PITPNC1: variants seen among roughly 807,000 people sequenced by gnomAD.
The protein encoded by PITPNC1 is cytoplasmic phosphatidylinositol transfer protein 1.
Under a neutral mutation model 44.7 loss-of-function variants are expected in PITPNC1, and 18 were observed. That is an observed-to-expected ratio of 0.40 (90% CI 0.28 to 0.60). PITPNC1 has a LOEUF of 0.60. PITPNC1 is among the 20% of genes least tolerant of loss of function. The pLI is 0.39. For missense variants in PITPNC1, 290 were observed against 418.4 expected (o/e 0.69, Z 2.68); for synonymous variants, 141 against 149.6 (o/e 0.94, Z 0.42).
intron 6 of PITPNC1, among the ~76,000 whole-genome samples, chr17:67,636,660 C>T (rs1237036842): frequency 6.6e-6 from 1 of 152,234 alleles, no homozygotes; most frequent in South Asian, 2.1e-4. Flanking sequence ...CCCTCGTAAC[C>T]CCAGCCCCAT....
intron 1 of PITPNC1, among the ~76,000 whole-genome samples, chr17:67,523,952 C>T (rs1413754316): frequency 2.0e-5 from 3 of 152,058 alleles, no homozygotes; most frequent in East Asian, 1.9e-4. Flanking sequence ...CCTGGGATTA[C>T]AGGTGCCTGC....
chr17:67,425,214 C>G (rs1200795327), intron 1 of PITPNC1, among the ~76,000 whole-genome samples: 2 of 50,650 alleles, frequency 3.9e-5, no homozygotes, highest in Non-Finnish European at 7.9e-5. Flanking sequence ...CACACACACA[C>G]ACACACACAC....
intron 1 of PITPNC1, among the ~76,000 whole-genome samples, chr17:67,439,339 A>T (rs1345222100): frequency 6.6e-6 from 1 of 152,174 alleles, no homozygotes; most frequent in African/African-American, 2.4e-5. Flanking sequence ...CCCTCCTAAT[A>T]CCTGTGCATG....
intron 2 of PITPNC1, among the ~76,000 whole-genome samples, chr17:67,549,683 G>A (rs965825874): frequency 2.0e-5 from 3 of 152,136 alleles, no homozygotes; most frequent in Non-Finnish European, 4.4e-5. Context: ...TACGGGGCGA[G>A]GAGGTACTTG....
chr17:67,419,831 G>A lies in PITPNC1; in HGVS notation c.48+41629G>A, dbSNP rs544971573. ...TGAGGCAGAAGAATTGCTTAAACCC[G>A]GGAGGTGGAAGTTGCAGTGAGCCGA... On this transcript the variant is annotated intron_variant, in intron 1 of 8. Coordinates refer to ENST00000581322, the MANE Select transcript of PITPNC1 (RefSeq NM_012417.4). Among the ~76,000 whole-genome samples the A allele has an allele frequency of 3.3e-5, 5 of 151,300 alleles. 1 individual carries two copies. The highest frequency in any genetic ancestry group is 3.9e-4 in the East Asian group (2 of 5,156).
chr17:67,379,037 G>C, intron 1 of PITPNC1: 1 of 985,726 alleles, frequency 1.0e-6, no homozygotes, highest in Non-Finnish European at 1.2e-6. Flanking sequence ...TCAGGAAGTG[G>C]TGACTCAGAT....
At chr17:67,512,504 A>ACAAACAAACAAAC (rs1190196931) in intron 1 of PITPNC1, among the ~76,000 whole-genome samples, 3 of 140,142 alleles carry the variant, frequency 2.1e-5, no homozygotes, top group Non-Finnish European at 4.9e-5. Flanking sequence ...GTGTCTCAAA[A>ACAAACAAACAAAC]AAAAAAAAAA....
At chr17:67,474,401 C>T (rs1264545307) in intron 1 of PITPNC1, among the ~76,000 whole-genome samples, 1 of 152,214 alleles carries the variant, frequency 6.6e-6, no homozygotes, top group Non-Finnish European at 1.5e-5. Context: ...AGTAACGTTT[C>T]TCAACCTCAG....
intron 1 of PITPNC1, among the ~76,000 whole-genome samples, chr17:67,432,586 C>T (rs1481006918): frequency 3.3e-5 from 5 of 151,950 alleles, no homozygotes; most frequent in East Asian, 3.9e-4. Context: ...AATAAAGGTC[C>T]GTGTATAATT....
intron 6 of PITPNC1, among the ~76,000 whole-genome samples, chr17:67,663,725 G>A: frequency 6.6e-6 from 1 of 152,116 alleles, no homozygotes; most frequent in East Asian, 1.9e-4. Context: ...GCAAATTAAG[G>A]GGTGGTTTAT....
chr17:67,680,964 G>A (rs987686222), intron 8 of PITPNC1, among the ~76,000 whole-genome samples: 11 of 152,206 alleles, frequency 7.2e-5, no homozygotes, highest in Non-Finnish European at 1.5e-4. Flanking sequence ...GGAAATGTTT[G>A]TAGAGGGAAA....
chr17:67,685,316 C>T lies in PITPNC1; in HGVS notation c.683-7256C>T, dbSNP rs144824275. On this transcript the variant is annotated intron_variant, in intron 8 of 8. Transcript: ENST00000581322. Reference sequence around the variant, plus strand: ...TTACATTGCTTATGGACCGCATTTGCGATTGAGGATCTCCAGGTATACCTG... The same window carrying T: ...TTACATTGCTTATGGACCGCATTTGTGATTGAGGATCTCCAGGTATACCTG... Among the ~76,000 whole-genome samples the T allele has an allele frequency of 5.0e-3, 760 of 152,334 alleles. 3 individuals carry two copies. Among genetic ancestry groups the T allele is most frequent in the African/African-American group, 0.017 (719 of 41,578 alleles).
intron 5 of PITPNC1, among the ~76,000 whole-genome samples, chr17:67,617,463 C>A (rs2041774554): frequency 6.6e-6 from 1 of 152,200 alleles, no homozygotes; most frequent in African/African-American, 2.4e-5. Flanking sequence ...GAGATTGCAC[C>A]ACTGCACTCC....
chr17:67,625,032 T>C lies in PITPNC1; in HGVS notation c.367-7111T>C, dbSNP rs1217157693. On this transcript the variant is annotated intron_variant, in intron 5 of 8. Coordinates refer to ENST00000581322, the MANE Select transcript of PITPNC1 (RefSeq NM_012417.4). ...ATTTCTAGGTTCATATTTAAAGGAA[T>C]TTTTCCTACTGAGCAGTTATTCACT... Among the ~76,000 whole-genome samples, 9 of 152,162 alleles carry C rather than the reference T, an allele frequency of 5.9e-5. No homozygotes were observed. The East Asian group carries it at 1.7e-3, about 29-fold the overall frequency.
At chr17:67,550,458 A>G (rs1241943646) in intron 2 of PITPNC1, among the ~76,000 whole-genome samples, 1 of 122,514 alleles carries the variant, frequency 8.2e-6, no homozygotes, top group Admixed American at 8.0e-5. Flanking sequence ...CAGGCAAGGT[A>G]CGCAGTATTT....
rs1302937787 is a variant in PITPNC1, at chr17:67,695,761, T to A, written c.*2873T>A. The A allele has an allele frequency of 6.6e-6, 1 of 152,116 alleles. No homozygotes were observed. Among genetic ancestry groups the A allele is most frequent in the Non-Finnish European group, 1.5e-5 (1 of 68,012 alleles). 9.4% of individuals were successfully genotyped at this position (152,116 alleles called of 1,614,324 possible). A position where few individuals can be genotyped will look rare whatever the true frequency, so the allele number is the denominator to read the frequency against. On this transcript the variant is annotated 3_prime_UTR_variant, in exon 9 of 9. Coordinates refer to ENST00000581322, the MANE Select transcript of PITPNC1 (RefSeq NM_012417.4). ...TCATCTCTGAAGTTAGTGGAGACCA[T>A]CAAAATGACTGTACATTTCATAACT...
At chr17:67,563,200 A>G (rs1349746501) in intron 4 of PITPNC1, among the ~76,000 whole-genome samples, 25 of 152,172 alleles carry the variant, frequency 1.6e-4, no homozygotes, top group African/African-American at 2.4e-5. Flanking sequence ...CACAGTTAAT[A>G]TGACAATATA....
At chr17:67,612,492 A>G (rs1394045926) in intron 5 of PITPNC1, 1 of 152,266 alleles carries the variant, frequency 6.6e-6, no homozygotes, top group Admixed American at 6.5e-5. Flanking sequence ...GGAGGCCTGG[A>G]GGAGTTTCTA....
chr17:67,658,615 C>T (rs1253579716), intron 6 of PITPNC1, among the ~76,000 whole-genome samples: 5 of 152,166 alleles, frequency 3.3e-5, no homozygotes, highest in African/African-American at 1.2e-4. Flanking sequence ...GAACTCGGAC[C>T]TAGCTGAGCT....
Sources: allele counts gnomAD v4.1 joint callset (sites outside exome capture counted in the v4.1 genomes callset), GRCh38; gene constraint gnomAD v4.1.1; transcripts MANE v1.5; gene names NCBI Gene and HGNC (gene_info 2026-07-23, HGNC 2026-07-21).